SLCO3A1: variants seen among roughly 807,000 people sequenced by gnomAD.
The protein encoded by SLCO3A1 is solute carrier organic anion transporter family member 3A1.
A neutral mutation model predicts 63.1 loss-of-function variants in SLCO3A1; 27 were observed. That is an observed-to-expected ratio of 0.43 (90% CI 0.32 to 0.59). SLCO3A1 has a LOEUF of 0.59. Ranked by LOEUF, SLCO3A1 falls within the 20% of genes least tolerant of loss-of-function variation. The probability of loss-of-function intolerance (pLI) is 0.09; values close to 1 mark genes in which losing one functional copy is unlikely to be tolerated. For missense variants in SLCO3A1, 773 were observed against 945.8 expected (o/e 0.82, Z 2.40); for synonymous variants, 473 against 409.9 (o/e 1.15, Z -1.86).
intron 1 of SLCO3A1, among the ~76,000 whole-genome samples, chr15:91,890,114 TTG>T (rs2151356166): frequency 6.6e-6 from 1 of 152,378 alleles, no homozygotes; most frequent in South Asian, 2.1e-4. Flanking sequence ...AGGACTGAGT[TTG>T]TGTTTTGCCT....
intron 9 of SLCO3A1, among the ~76,000 whole-genome samples, chr15:92,160,703 G>A (rs1422261715): frequency 6.6e-6 from 1 of 151,072 alleles, no homozygotes; most frequent in Non-Finnish European, 1.5e-5. Flanking sequence ...AGAGGCACCT[G>A]GGCCGAGAGC....
chr15:92,089,015 A>T (rs867698952), intron 2 of SLCO3A1, among the ~76,000 whole-genome samples: 11 of 141,368 alleles, frequency 7.8e-5, no homozygotes, highest in Non-Finnish European at 1.3e-4. Context: ...TTTATTATTT[A>T]TTTATTTATT....
rs1274110435 is a variant in SLCO3A1 at position 91,912,618 on chromosome 15, G to A, written c.181-3375G>A. Among the ~76,000 whole-genome samples the A allele has an allele frequency of 6.6e-6, 1 of 152,236 alleles. No homozygotes were observed. Among genetic ancestry groups the A allele is most frequent in the African/African-American group, 2.4e-5 (1 of 41,458 alleles). ...GCACACCTGCTGAAATGGAGCAGTT[G>A]TCATGTTTCAGATTTGTTGTCTTGT... On this transcript the variant is annotated intron_variant, in intron 1 of 9. Transcript: ENST00000318445. The surrounding 1 kb of genome is among the most constrained non-coding windows in gnomAD (Gnocchi z 5.0).
At chr15:91,970,133 C>T (rs1567044006) in intron 2 of SLCO3A1, among the ~76,000 whole-genome samples, 1 of 152,186 alleles carries the variant, frequency 6.6e-6, no homozygotes, top group African/African-American at 2.4e-5. Context: ...TAAAAAGAGG[C>T]ATTGAAATAC....
chr15:92,132,068 C>T (rs1339800113), intron 7 of SLCO3A1, among the ~76,000 whole-genome samples: 1 of 145,712 alleles, frequency 6.9e-6, no homozygotes, highest in Non-Finnish European at 1.5e-5. Context: ...CCTGTACTGA[C>T]CTCAGAGAGC....
intron 1 of SLCO3A1, among the ~76,000 whole-genome samples, chr15:91,913,303 G>T (rs375577024): frequency 2.6e-4 from 40 of 152,226 alleles, no homozygotes; most frequent in Non-Finnish European, 5.6e-4. Flanking sequence ...AGAGCTTGCC[G>T]AAGGCCAGGG....
At chr15:92,170,529 G>A (rs1269737660), downstream of SLCO3A1, among the ~76,000 whole-genome samples, 1 of 152,196 alleles carries the variant, frequency 6.6e-6, no homozygotes, top group East Asian at 1.9e-4. Context: ...GCCAGTGACA[G>A]ATCTGACTCC....
chr15:91,895,746 T>C (rs1202967932), intron 1 of SLCO3A1, among the ~76,000 whole-genome samples: 1 of 152,260 alleles, frequency 6.6e-6, no homozygotes, highest in East Asian at 1.9e-4. Flanking sequence ...GCGTGCACTC[T>C]AGCTTTCTTC....
intron 9 of SLCO3A1, among the ~76,000 whole-genome samples, chr15:92,157,887 G>A (rs774329842): frequency 1.3e-5 from 2 of 152,152 alleles, no homozygotes; most frequent in African/African-American, 2.4e-5. Context: ...TGTATAAACA[G>A]TGAAACTGAG....
At chr15:91,906,399 G>A (rs1037601354) in intron 1 of SLCO3A1, among the ~76,000 whole-genome samples, 10 of 152,184 alleles carry the variant, frequency 6.6e-5, no homozygotes, top group African/African-American at 2.4e-4. Flanking sequence ...TGAGCTGGTT[G>A]AGGGCAGAGA....
intron 2 of SLCO3A1, among the ~76,000 whole-genome samples, chr15:91,938,830 G>A (rs979410194): frequency 6.6e-6 from 1 of 152,188 alleles, no homozygotes; most frequent in Non-Finnish European, 1.5e-5. Context: ...ATGGAACATG[G>A]TAAGACTAGG....
intron 4 of SLCO3A1, among the ~76,000 whole-genome samples, chr15:92,116,291 TAA>T (rs1446235892): frequency 2.6e-5 from 4 of 152,196 alleles, no homozygotes; most frequent in African/African-American, 9.7e-5. Context: ...GAAGGACCCA[TAA>T]GTTTCCAAGA....
At chr15:91,974,842 A>G (rs1437485803) in intron 2 of SLCO3A1, among the ~76,000 whole-genome samples, 1 of 152,148 alleles carries the variant, frequency 6.6e-6, no homozygotes, top group Non-Finnish European at 1.5e-5. Context: ...ATTTAGCATC[A>G]AAATAGACAA....
At chr15:91,929,303 A>G (rs1899140457) in intron 2 of SLCO3A1, among the ~76,000 whole-genome samples, 1 of 152,138 alleles carries the variant, frequency 6.6e-6, no homozygotes, top group South Asian at 2.1e-4. Context: ...CTCTCTTCCA[A>G]CTCTATGTCC....
At chr15:92,039,709 T>C (rs879108132) in intron 2 of SLCO3A1, among the ~76,000 whole-genome samples, 1 of 152,152 alleles carries the variant, frequency 6.6e-6, no homozygotes, top group African/African-American at 2.4e-5. Flanking sequence ...GCAATCCCAT[T>C]ACTGGGTATA....
intron 2 of SLCO3A1, among the ~76,000 whole-genome samples, chr15:91,994,933 T>A (rs1051526926): frequency 1.4e-4 from 22 of 152,202 alleles, no homozygotes; most frequent in Non-Finnish European, 3.2e-4. Context: ...GCACAGGTAC[T>A]CACAGCTCTC....
At position 91,883,464 on chromosome 15, in the gene SLCO3A1, G is replaced by A. The variant is rs938893493; in HGVS notation, c.180+29376G>A. ...TGCTCTGAGGCTGGGGCTCCCCGGA[G>A]GGATGTACCTCGCACTGACTGGCTG... On this transcript the variant is annotated intron_variant, in intron 1 of 9. Transcript: ENST00000318445. The surrounding 1 kb of genome is among the most constrained non-coding windows in gnomAD (Gnocchi z 4.8). Among the ~76,000 whole-genome samples, 3 of 152,214 alleles carry A rather than the reference G, an allele frequency of 2.0e-5. No homozygotes were observed. The highest frequency in any genetic ancestry group is 2.9e-5 in the Non-Finnish European group (2 of 68,042).
chr15:92,018,407 G>A (rs2151468957), intron 2 of SLCO3A1, among the ~76,000 whole-genome samples: 1 of 152,254 alleles, frequency 6.6e-6, no homozygotes, highest in East Asian at 1.9e-4. Flanking sequence ...CACCTCCACA[G>A]AACATGGTGC....
At position 91,977,766 on chromosome 15, in the gene SLCO3A1, G is replaced by A. The variant is rs1052651439; in HGVS notation, c.646+61308G>A. ...AAAACTATCAAAAGTTTTTATTTTGGACAATAGCGTCCTAAGATACCTCGA... is the reference window on the plus strand; with the variant it reads ...AAAACTATCAAAAGTTTTTATTTTGAACAATAGCGTCCTAAGATACCTCGA... On this transcript the variant is annotated intron_variant, in intron 2 of 9. Transcript: ENST00000318445. Among the ~76,000 whole-genome samples, 4 of 152,136 alleles carry A rather than the reference G, an allele frequency of 2.6e-5. No homozygotes were observed. In the South Asian group the frequency reaches 6.2e-4, roughly 24 times the overall value.
Sources: gnomAD v4.1 joint callset for allele counts (sites outside exome capture counted in the v4.1 genomes callset) on GRCh38, gnomAD v4.1.1 for gene constraint, Gnocchi (gnomAD v3.1) non-coding constraint, MANE v1.5 for transcripts, NCBI Gene and HGNC (gene_info 2026-07-23, HGNC 2026-07-21) for gene names.